Variants in ARSG observed in about 807,000 individuals in gnomAD.
ARSG encodes arylsulfatase G, also known as ASG.
In ARSG, 37 loss-of-function variants were observed where a neutral mutation model predicts 50.5. That is an observed-to-expected ratio of 0.73 (90% CI 0.56 to 0.96). The LOEUF (loss-of-function observed/expected upper bound fraction) is 0.96. Ranked by LOEUF, ARSG falls within the 50% of genes least tolerant of loss-of-function variation. The probability of loss-of-function intolerance (pLI) is 0.00; values close to 1 mark genes in which losing one functional copy is unlikely to be tolerated. For synonymous variants in ARSG, 225 were observed against 254.6 expected, an observed-to-expected ratio of 0.88 and a Z score of 1.11; for missense variants, 629 against 675.3, an observed-to-expected ratio of 0.93 and a Z score of 0.76.
At chr17:68,346,930 C>T (rs1242221211) in intron 3 of ARSG, 195 bp from the exon 4 acceptor site, 2 of 1,502,766 alleles carry the variant, frequency 1.3e-6, no homozygotes, top group Admixed American at 4.0e-5. Context: ...TGGGGTCATC[C>T]TTTATGTGTC....
intron 8 of ARSG, among the ~76,000 whole-genome samples, chr17:68,384,772 C>A (rs2080616695): frequency 6.6e-6 from 1 of 151,882 alleles, no homozygotes; most frequent in Non-Finnish European, 1.5e-5. Flanking sequence ...ACAAAACAAG[C>A]AAATCAATAA....
chr17:68,282,778 C>CAAAAAA (rs1555753213), intron 1 of ARSG, among the ~76,000 whole-genome samples: 1 of 31,518 alleles, frequency 3.2e-5, no homozygotes, highest in Non-Finnish European at 5.4e-5. Context: ...CCCATCTCTA[C>CAAAAAA]TAAAAAAAAA....
chr17:68,281,884 C>A (rs1011894624), intron 1 of ARSG, among the ~76,000 whole-genome samples: 1 of 152,166 alleles, frequency 6.6e-6, no homozygotes, highest in Non-Finnish European at 1.5e-5. Flanking sequence ...AATATAGGAA[C>A]ACTTTTACAC....
At chr17:68,363,875 G>T (rs562606186) in intron 6 of ARSG, among the ~76,000 whole-genome samples, 1 of 152,146 alleles carries the variant, frequency 6.6e-6, no homozygotes, top group Non-Finnish European at 1.5e-5. Context: ...TGGGGCGGGG[G>T]ACAAGTGGTT....
intron 1 of ARSG, among the ~76,000 whole-genome samples, chr17:68,262,603 CT>C (rs1555745470): frequency 6.6e-6 from 1 of 152,080 alleles, no homozygotes; most frequent in African/African-American, 2.4e-5. Flanking sequence ...AAGAGGATTA[CT>C]GTGGCTGCTG....
chr17:68,306,105 C>T (rs1042564688), intron 1 of ARSG, among the ~76,000 whole-genome samples: 1 of 151,790 alleles, frequency 6.6e-6, no homozygotes, highest in Non-Finnish European at 1.5e-5. Context: ...TGGGTTCAAG[C>T]GATTCTCTTG....
At chr17:68,389,847 G>A (rs1315725345) in intron 9 of ARSG, among the ~76,000 whole-genome samples, 2 of 152,178 alleles carry the variant, frequency 1.3e-5, no homozygotes, top group Non-Finnish European at 2.9e-5. Flanking sequence ...GCCCAGCACA[G>A]CACCTCAGTT....
intron 1 of ARSG, among the ~76,000 whole-genome samples, chr17:68,294,267 C>T (rs2076127663): frequency 6.6e-6 from 1 of 152,182 alleles, no homozygotes; most frequent in African/African-American, 2.4e-5. Context: ...CTCTTCAGAG[C>T]TGTCCCCAAG....
chr17:68,293,941 C>A (rs2076114230), intron 1 of ARSG, among the ~76,000 whole-genome samples: 1 of 152,194 alleles, frequency 6.6e-6, no homozygotes, highest in African/African-American at 2.4e-5. Flanking sequence ...TGAGACCAAG[C>A]GTGAAAACCC....
chr17:68,319,200 C>T (rs1201058631), intron 2 of ARSG, among the ~76,000 whole-genome samples: 1 of 152,190 alleles, frequency 6.6e-6, no homozygotes, highest in Admixed American at 6.5e-5. Context: ...CTAACCCTGA[C>T]AGTAACTCAG....
In ARSG at chr17:68,370,530, G is replaced by A. The variant is rs1287064109; in HGVS notation, c.982+6G>A. 6.2e-7 allele frequency: 1 copy of A among 1,613,506 alleles called. No homozygotes were observed. Among genetic ancestry groups the A allele is most frequent in the East Asian group, 2.2e-5 (1 of 44,826 alleles). ...ATTTTGGCAAACTCGTCAAGGTAAG[G>A]GGCTCAGCTGGGGTTGGTGGATCCC... On this transcript the variant is annotated splice_donor_region_variant and intron_variant, in intron 8 of 11. Transcript: ENST00000621439.
chr17:68,421,510 AT>A (rs1377188991), downstream of ARSG: 2 of 491,196 alleles, frequency 4.1e-6, no homozygotes, highest in Non-Finnish European at 7.4e-6. Context: ...ATATACCAAT[AT>A]GGTTAATTAG....
chr17:68,343,904 G>A, intron 3 of ARSG, 113 bp downstream of exon 3: 1 of 1,094,618 alleles, frequency 9.1e-7, no homozygotes, highest in Non-Finnish European at 1.3e-6. Context: ...TGCTGTGTGA[G>A]TTAGGGATGC....
chr17:68,312,473 G>GTCCCATTAT (rs782423836), intron 2 of ARSG, among the ~76,000 whole-genome samples: 4 of 151,850 alleles, frequency 2.6e-5, no homozygotes, highest in Non-Finnish European at 4.4e-5. Context: ...GGAAATATTA[G>GTCCCATTAT]TCCCATTATT....
intron 2 of ARSG, among the ~76,000 whole-genome samples, chr17:68,336,669 A>G (rs1021001670): frequency 6.6e-6 from 1 of 152,134 alleles, no homozygotes; most frequent in East Asian, 1.9e-4. Flanking sequence ...CCTTGCCAAC[A>G]TGGCAAAATC....
intron 2 of ARSG, among the ~76,000 whole-genome samples, chr17:68,326,113 T>C (rs73355977): frequency 0.02 from 3,050 of 152,290 alleles, 89 homozygotes; most frequent in African/African-American, 0.063. Flanking sequence ...TGTGGAACTC[T>C]AACCTAGATA....
chr17:68,435,780 C>A, the ARSG span: 1 of 1,425,524 alleles, frequency 7.0e-7, no homozygotes, highest in South Asian at 1.2e-5. Flanking sequence ...ACCTCCCTCC[C>A]CTTCCTCTTT....
At chr17:68,363,321 T>C (rs1281737408) in intron 6 of ARSG, among the ~76,000 whole-genome samples, 2 of 152,086 alleles carry the variant, frequency 1.3e-5, no homozygotes, top group Non-Finnish European at 2.9e-5. Context: ...GTGAGGTGCT[T>C]GGGACACTGG....
At chr17:68,340,468 T>G (rs1325216651) in intron 2 of ARSG, among the ~76,000 whole-genome samples, 1 of 152,050 alleles carries the variant, frequency 6.6e-6, no homozygotes, top group Non-Finnish European at 1.5e-5. Context: ...GTATTTTTAG[T>G]AGAGACGGAG....
Sources: gnomAD v4.1 joint callset for allele counts (sites outside exome capture counted in the v4.1 genomes callset) on GRCh38, gnomAD v4.1.1 for gene constraint, MANE v1.5 for transcripts, NCBI Gene and HGNC (gene_info 2026-07-23, HGNC 2026-07-21) for gene names.